BANF2: variants seen among roughly 807,000 people sequenced by gnomAD.
BANF2 encodes the protein barrier-to-autointegration factor-like protein.
A neutral mutation model predicts 8.0 loss-of-function variants in BANF2; 4 were observed. That is an observed-to-expected ratio of 0.50 (90% CI 0.25 to 1.14). The LOEUF is 1.14. Ranked by LOEUF, BANF2 falls within the 50% of genes most tolerant of loss-of-function variation. BANF2 has a pLI of 0.16. For missense variants in BANF2, 96 were observed against 107.5 expected (o/e 0.89, Z 0.47); for synonymous variants, 50 against 40.6 (o/e 1.23, Z -0.88).
intron 1 of BANF2, among the ~76,000 whole-genome samples, chr20:17,714,628 A>G (rs561627000): frequency 1.3e-5 from 2 of 152,244 alleles, no homozygotes; most frequent in Non-Finnish European, 2.9e-5. Flanking sequence ...CACATCCATG[A>G]AACCTTACTT....
At chr20:17,730,792 C>T (rs1428425371) in intron 3 of BANF2, among the ~76,000 whole-genome samples, 5 of 152,226 alleles carry the variant, frequency 3.3e-5, no homozygotes, top group East Asian at 3.9e-4. Flanking sequence ...GGCGGTGAGA[C>T]GCTGTGCTCC....
intron 1 of BANF2, among the ~76,000 whole-genome samples, chr20:17,708,729 G>A (rs1050565568): frequency 1.2e-4 from 19 of 152,100 alleles, no homozygotes; most frequent in African/African-American, 4.6e-4. Flanking sequence ...GATGCTCAAA[G>A]GGTGGCTGAT....
At chr20:17,724,902 A>G in intron 2 of BANF2, 121 bp from the exon 3 acceptor site, 1 of 1,036,944 alleles carries the variant, frequency 9.6e-7, no homozygotes, top group Non-Finnish European at 1.4e-6. Context: ...TGGATGATGG[A>G]AGGAATTCTG....
chr20:17,728,879 C>T (rs2037851686), intron 3 of BANF2, among the ~76,000 whole-genome samples: 1 of 152,142 alleles, frequency 6.6e-6, no homozygotes, highest in African/African-American at 2.4e-5. Flanking sequence ...ATATAAAACA[C>T]ACCCTGCAGT....
intron 2 of BANF2, 87 bp downstream of exon 2, chr20:17,722,965 T>C: frequency 1.2e-6 from 1 of 854,154 alleles, no homozygotes; most frequent in East Asian, 1.2e-4. Context: ...CATCGAATGC[T>C]TACCATGTCC....
intron 3 of BANF2, 85 bp from the exon 4 acceptor site, chr20:17,735,580 C>T (rs2037965251): frequency 8.2e-6 from 12 of 1,457,138 alleles, no homozygotes; most frequent in South Asian, 1.2e-5. Context: ...GTCACGTGAG[C>T]CCTGGTTGCT....
chr20:17,706,873 C>T (rs1163394707), intron 1 of BANF2, among the ~76,000 whole-genome samples: 1 of 152,184 alleles, frequency 6.6e-6, no homozygotes, highest in African/African-American at 2.4e-5. Flanking sequence ...GTGACTCTAT[C>T]CAAAGTCCAT....
upstream of BANF2, among the ~76,000 whole-genome samples, chr20:17,695,858 T>C (rs1305289443): frequency 6.6e-6 from 1 of 152,204 alleles, no homozygotes; most frequent in African/African-American, 2.4e-5. Context: ...CAGGCAATCA[T>C]TGACCTTATC....
chr20:17,694,012 C>G (rs2122552694), intron 1 of BANF2, among the ~76,000 whole-genome samples: 1 of 152,356 alleles, frequency 6.6e-6, no homozygotes, highest in Admixed American at 6.5e-5. Flanking sequence ...GCATTTGCCT[C>G]ACAGTCTCTC....
chr20:17,719,180 A>G (rs1871325420), intron 1 of BANF2, among the ~76,000 whole-genome samples: 1 of 152,064 alleles, frequency 6.6e-6, no homozygotes. Context: ...GCTGGAGTGC[A>G]ATGGCTTGAT....
upstream of BANF2, among the ~76,000 whole-genome samples, chr20:17,697,687 G>A (rs1380663067): frequency 6.6e-6 from 1 of 152,202 alleles, no homozygotes; most frequent in Admixed American, 6.5e-5. Context: ...AGTGAGGCAG[G>A]GGATGGGGGC....
Position 17,716,841 on chromosome 20 carries a change from C to CAAA in BANF2, c.-166-5857_-166-5855dup, listed in dbSNP as rs36007590. Among the ~76,000 whole-genome samples the CAAA allele has an allele frequency of 1.2e-3, 110 of 89,724 alleles. 1 individual carries two copies. Among genetic ancestry groups the CAAA allele is most frequent in the Non-Finnish European group, 1.6e-3 (78 of 48,642 alleles). 58.9% of individuals were successfully genotyped at this position (89,724 alleles called of 152,430 possible). On this transcript the variant is annotated intron_variant, in intron 1 of 3. Coordinates refer to ENST00000246090, the MANE Select transcript of BANF2 (RefSeq NM_178477.5). The stretch of plus-strand genomic sequence containing the variant: ...TGAGTGACAGAGCAAGACTCCATCT[C>CAAA]AAAAAAAAAAAAAAAAAAAAGAAAG...
At chr20:17,727,815 G>A (rs2037830658) in intron 3 of BANF2, among the ~76,000 whole-genome samples, 1 of 152,138 alleles carries the variant, frequency 6.6e-6, no homozygotes, top group African/African-American at 2.4e-5. Context: ...CGTGATCTCG[G>A]CTCACTGCAA....
intron 3 of BANF2, among the ~76,000 whole-genome samples, chr20:17,725,440 G>C (rs2037794443): frequency 6.6e-6 from 1 of 152,250 alleles, no homozygotes; most frequent in Non-Finnish European, 1.5e-5. Context: ...AAGTAGGTCA[G>C]CCGCCGGGGT....
At chr20:17,722,344 A>G (rs2037744609) in intron 1 of BANF2, among the ~76,000 whole-genome samples, 1 of 152,210 alleles carries the variant, frequency 6.6e-6, no homozygotes. Context: ...TCATAGGCAG[A>G]GATGTTTAAC....
At chr20:17,704,326 T>A (rs1194933074) in intron 1 of BANF2, among the ~76,000 whole-genome samples, 1 of 152,120 alleles carries the variant, frequency 6.6e-6, no homozygotes, top group African/African-American at 2.4e-5. Flanking sequence ...AGGTCTGGAG[T>A]GGAGCCTGAG....
chr20:17,726,439 C>T (rs1402392998), intron 3 of BANF2, among the ~76,000 whole-genome samples: 2 of 152,130 alleles, frequency 1.3e-5, no homozygotes, highest in Non-Finnish European at 2.9e-5. Context: ...CAACATACCT[C>T]GGCCTCCCAA....
At chr20:17,716,245 C>G (rs1418031297) in intron 1 of BANF2, among the ~76,000 whole-genome samples, 2 of 152,262 alleles carry the variant, frequency 1.3e-5, no homozygotes, top group Non-Finnish European at 2.9e-5. Context: ...TGCAGCCTGA[C>G]AGGGTCTCCT....
At chr20:17,725,747 C>T (rs747616847) in intron 3 of BANF2, among the ~76,000 whole-genome samples, 14 of 152,194 alleles carry the variant, frequency 9.2e-5, no homozygotes, top group Non-Finnish European at 1.8e-4. Flanking sequence ...CCAAAGACAA[C>T]GCAAAGAGAG....
Sources: allele counts gnomAD v4.1 joint callset (sites outside exome capture counted in the v4.1 genomes callset), GRCh38; gene constraint gnomAD v4.1.1; transcripts MANE v1.5; gene names NCBI Gene and HGNC (gene_info 2026-07-23, HGNC 2026-07-21).